The following SCTR variants were observed in gnomAD, a reference collection of about 807,000 sequenced individuals.
SCTR encodes secretin receptor.
Under a neutral mutation model 60.8 loss-of-function variants are expected in SCTR, and 56 were observed. That is an observed-to-expected ratio of 0.92 (90% CI 0.74 to 1.15). The LOEUF (loss-of-function observed/expected upper bound fraction) is 1.15. Among genes scored for constraint, SCTR ranks in the 50% most tolerant of loss-of-function variants. The pLI is 0.00. For missense variants in SCTR, 562 were observed against 550.4 expected (o/e 1.02, Z -0.21); for synonymous variants, 202 against 217.0 (o/e 0.93, Z 0.61).
intron 12 of SCTR, 27 bp from the exon 13 acceptor site, chr2:119,440,284 AG>A: frequency 6.2e-7 from 1 of 1,603,050 alleles, no homozygotes; most frequent in South Asian, 1.1e-5. Flanking sequence ...CCATCAGCCC[AG>A]GAGGAGAGGA....
At chr2:119,448,059 G>A (rs1683000755) in intron 10 of SCTR, among the ~76,000 whole-genome samples, 1 of 152,148 alleles carries the variant, frequency 6.6e-6, no homozygotes, top group African/African-American at 2.4e-5. Flanking sequence ...GTCCTTAGAA[G>A]AGGAAATATG....
intron 4 of SCTR, among the ~76,000 whole-genome samples, chr2:119,472,478 C>T (rs1677065997): frequency 6.6e-6 from 1 of 152,180 alleles, no homozygotes; most frequent in Non-Finnish European, 1.5e-5. Flanking sequence ...TGAGCTGAGC[C>T]CAGACAGGGC....
intron 1 of SCTR, among the ~76,000 whole-genome samples, chr2:119,518,148 C>T (rs1344787743): frequency 6.6e-6 from 1 of 152,176 alleles, no homozygotes; most frequent in Non-Finnish European, 1.5e-5. Flanking sequence ...CTTCCAACCT[C>T]CAGAACCGCG....
chr2:119,471,719 G>C (rs966058557), intron 4 of SCTR, among the ~76,000 whole-genome samples: 11 of 152,146 alleles, frequency 7.2e-5, no homozygotes, highest in Non-Finnish European at 1.2e-4. Flanking sequence ...TTAGCTAATG[G>C]GACCTGCTGA....
intron 7 of SCTR, among the ~76,000 whole-genome samples, chr2:119,455,022 T>G (rs959791605): frequency 7.4e-6 from 1 of 135,508 alleles, no homozygotes; most frequent in African/African-American, 2.7e-5. Flanking sequence ...TTAAGCTAGA[T>G]GTATGGCTCA....
At chr2:119,511,094 T>C (rs921444907) in intron 1 of SCTR, among the ~76,000 whole-genome samples, 14 of 151,954 alleles carry the variant, frequency 9.2e-5, no homozygotes, top group African/African-American at 2.9e-4. Flanking sequence ...TCCTGGCTAC[T>C]TGGGAGGCTG....
At chr2:119,447,715 G>A (rs1274112998) in intron 10 of SCTR, among the ~76,000 whole-genome samples, 4 of 152,108 alleles carry the variant, frequency 2.6e-5, no homozygotes, top group Non-Finnish European at 5.9e-5. Flanking sequence ...GAGATTACAG[G>A]CGCCCTCCAC....
chr2:119,513,061 T>C (rs1679007435), intron 1 of SCTR, among the ~76,000 whole-genome samples: 2 of 152,196 alleles, frequency 1.3e-5, no homozygotes, highest in Non-Finnish European at 2.9e-5. Flanking sequence ...GCCTTCACTG[T>C]AACATAACCA....
rs141746450 is a variant in SCTR at position 119,442,197 on chromosome 2, G to A, written c.1141-598C>T. On this transcript the variant is annotated intron_variant, in intron 11 of 12. Coordinates refer to ENST00000019103, the MANE Select transcript of SCTR (RefSeq NM_002980.3). ...CCCTGGTGTGGCAAGGTCTGTGCCT[G>A]TAAGACCCTCCCTCCCTGGTATTTG... is the stretch of plus-strand genomic sequence containing the variant. 6.6e-5 allele frequency among the ~76,000 whole-genome samples: 10 copies of A among 152,336 alleles called. No homozygotes were observed. The East Asian group carries it at 1.7e-3, about 26-fold the overall frequency.
intron 1 of SCTR, among the ~76,000 whole-genome samples, chr2:119,521,055 C>A (rs1679272795): frequency 6.6e-6 from 1 of 152,186 alleles, no homozygotes; most frequent in South Asian, 2.1e-4. Flanking sequence ...AGACATTGTA[C>A]AATGCACAGG....
intron 1 of SCTR, among the ~76,000 whole-genome samples, chr2:119,504,981 T>C (rs1359561923): frequency 6.6e-6 from 1 of 152,018 alleles, no homozygotes; most frequent in Admixed American, 6.6e-5. Flanking sequence ...CACAATGAGA[T>C]ACCATCTCAC....
intron 2 of SCTR, among the ~76,000 whole-genome samples, chr2:119,494,008 C>T (rs1014622153): frequency 4.6e-5 from 7 of 152,176 alleles, no homozygotes; most frequent in East Asian, 3.8e-4. Context: ...TTCACACAGC[C>T]GGTGAGTGTC....
intron 1 of SCTR, among the ~76,000 whole-genome samples, chr2:119,516,857 G>A (rs1679131863): frequency 6.6e-6 from 1 of 152,178 alleles, no homozygotes; most frequent in Admixed American, 6.5e-5. Context: ...TACTCGGGAG[G>A]CTGAGGCGGG....
chr2:119,486,102 A>G (rs994130146), intron 2 of SCTR: 2 of 152,222 alleles, frequency 1.3e-5, no homozygotes, highest in Non-Finnish European at 2.9e-5. Context: ...CAACAAGGGT[A>G]TTTAAAAACA....
chr2:119,523,144 T>C (rs528591333), intron 1 of SCTR, among the ~76,000 whole-genome samples: 4 of 152,002 alleles, frequency 2.6e-5, no homozygotes, highest in Non-Finnish European at 5.9e-5. Flanking sequence ...AGAGACTCAG[T>C]TGGGTCCCCA....
chr2:119,462,448 A>G (rs1683650906), intron 6 of SCTR, among the ~76,000 whole-genome samples: 1 of 152,238 alleles, frequency 6.6e-6, no homozygotes, highest in South Asian at 2.1e-4. Flanking sequence ...TAATGAAGGG[A>G]TGTGCCAACT....
At chr2:119,519,414 A>G (rs1679216571) in intron 1 of SCTR, among the ~76,000 whole-genome samples, 1 of 152,218 alleles carries the variant, frequency 6.6e-6, no homozygotes. Flanking sequence ...GATTAGTTTA[A>G]ATGAAAATTA....
intron 11 of SCTR, among the ~76,000 whole-genome samples, chr2:119,445,333 C>T (rs1682885640): frequency 6.6e-6 from 1 of 152,196 alleles, no homozygotes; most frequent in Non-Finnish European, 1.5e-5. Flanking sequence ...AGCTCCCTGG[C>T]CCCCAGGCCG....
At chr2:119,507,203 T>C (rs980844283) in intron 1 of SCTR, among the ~76,000 whole-genome samples, 1 of 152,234 alleles carries the variant, frequency 6.6e-6, no homozygotes, top group Non-Finnish European at 1.5e-5. Context: ...TATGATTATT[T>C]AAGGAAAGTG....
Sources: gnomAD v4.1 joint callset for allele counts (sites outside exome capture counted in the v4.1 genomes callset) on GRCh38, gnomAD v4.1.1 for gene constraint, MANE v1.5 for transcripts, NCBI Gene and HGNC (gene_info 2026-07-23, HGNC 2026-07-21) for gene names.